ZBTB46: variants seen among roughly 807,000 people sequenced by gnomAD.
ZBTB46 encodes zinc finger and BTB domain-containing protein 46.
In ZBTB46, 8 loss-of-function variants were observed where a neutral mutation model predicts 44.1. The observed-to-expected ratio is 0.18, with a 90% CI of 0.11 to 0.33. ZBTB46 has a LOEUF of 0.33. ZBTB46 is among the 10% of genes least tolerant of loss of function. The pLI is 1.00. For synonymous variants in ZBTB46, 409 were observed against 382.3 expected, an observed-to-expected ratio of 1.07 and a Z score of -0.81; for missense variants, 651 against 847.7, an observed-to-expected ratio of 0.77 and a Z score of 2.88.
chr20:63,800,598 C>T (rs2092636185), intron 1 of ZBTB46, among the ~76,000 whole-genome samples: 2 of 152,232 alleles, frequency 1.3e-5, no homozygotes, highest in African/African-American at 2.4e-5. Context: ...CTGCGTGCGG[C>T]GCTTGCGGGC....
chr20:63,791,132 G>A (rs750485889), intron 1 of ZBTB46, among the ~76,000 whole-genome samples: 82 of 152,164 alleles, frequency 5.4e-4, no homozygotes, highest in Admixed American at 2.0e-4. Flanking sequence ...TACCCAAACT[G>A]AGAACTCGGT....
chr20:63,827,325 T>C (rs539220903), intron 1 of ZBTB46, among the ~76,000 whole-genome samples: 1 of 152,150 alleles, frequency 6.6e-6, no homozygotes, highest in African/African-American at 2.4e-5. Flanking sequence ...ACACAAAAGA[T>C]GGCCGGGCGC....
rs552858452 is a variant in ZBTB46 at position 63,769,127 on chromosome 20, G to A, written c.1222+6551C>T. 4 of 925,852 alleles carry A rather than the reference G, an allele frequency of 4.3e-6. No homozygotes were observed. In the East Asian group the frequency reaches 3.5e-4, roughly 82 times the overall value. The allele number at this position is 925,852 out of a possible 1,614,324, so 57.4% of individuals were successfully genotyped here. ...CATGGAGAGCAGGTGCCACCAAAGT[G>A]CCTCCTCGGAGGTGCCCGGGCTCAT... On this transcript the variant is annotated intron_variant, in intron 3 of 4. Coordinates refer to ENST00000245663, the MANE Select transcript of ZBTB46 (RefSeq NM_001369741.1).
chr20:63,794,102 C>T (rs931396585), intron 1 of ZBTB46, among the ~76,000 whole-genome samples: 5 of 151,042 alleles, frequency 3.3e-5, no homozygotes, highest in Non-Finnish European at 5.9e-5. Context: ...AGGAGAATAG[C>T]GTGAACCCGG....
chr20:63,788,788 G>A (rs1050730288), intron 2 of ZBTB46, among the ~76,000 whole-genome samples: 4 of 151,334 alleles, frequency 2.6e-5, no homozygotes, highest in Non-Finnish European at 5.9e-5. Flanking sequence ...GCAGTGAGCC[G>A]AGATCACGTC....
rs770835199 is a variant in ZBTB46, at chr20:63,790,747, C to T, written c.11G>A (p.Arg4Gln). 10 of 1,601,854 alleles carry T rather than the reference C, an allele frequency of 6.2e-6. No homozygotes were observed. The African/African-American group carries it at 8.0e-5, about 13-fold the overall frequency. ...GGACGTGATTTCCATATCTTCCTTT[C>T]GGTTGTTCATTTGGAAGCCCTGGTG... MNN[R>Q]KEDMEITSHY... Residue 4 changes from arginine (R) to glutamine (Q), a missense_variant, in exon 2 of 5, where the codon CGA (arginine) becomes CAA (glutamine). Around this residue, in one of 5 missense-constraint regions of ZBTB46, gnomAD observed 65 missense variants for 167.9 expected, o/e 0.39. Transcript: ENST00000245663.
chr20:63,769,856 A>AC (rs2092352143), intron 3 of ZBTB46, among the ~76,000 whole-genome samples: 1 of 152,094 alleles, frequency 6.6e-6, no homozygotes, highest in Non-Finnish European at 1.5e-5. Context: ...TTAAACCACA[A>AC]CCAAAACAAA....
chr20:63,832,385 C>CGGCCA (rs544064189), upstream of ZBTB46, among the ~76,000 whole-genome samples: 2,030 of 152,222 alleles, frequency 0.013, 44 homozygotes, highest in South Asian at 0.088. This position sits in a 1 kb window ranked among gnomAD's most constrained non-coding sequence, Gnocchi z 5.0. Flanking sequence ...GAGCCCGGCC[C>CGGCCA]GGCCAACCAA....
At chr20:63,778,423 C>T (rs962683824) in intron 2 of ZBTB46, among the ~76,000 whole-genome samples, 3 of 152,160 alleles carry the variant, frequency 2.0e-5, no homozygotes, top group Admixed American at 1.3e-4. Flanking sequence ...CCACCGTGGT[C>T]GTTGACAGGA....
chr20:63,787,072 G>A lies in ZBTB46; in HGVS notation c.937+2749C>T, dbSNP rs566356384. Among the ~76,000 whole-genome samples the A allele has an allele frequency of 6.6e-6, 1 of 152,286 alleles. No individual in the cohort carries two copies. The highest frequency in any genetic ancestry group is 1.9e-4 in the East Asian group (1 of 5,188). ...AGTAGAACAGCATTTACCCGCAGGT[G>A]GGGTAGAGGCAAGAGGAAGGTACTG... On this transcript the variant is annotated intron_variant, in intron 2 of 4. Coordinates refer to ENST00000245663, the MANE Select transcript of ZBTB46 (RefSeq NM_001369741.1). This position sits in a 1 kb window ranked among gnomAD's most constrained non-coding sequence, Gnocchi z 4.6.
intron 2 of ZBTB46, among the ~76,000 whole-genome samples, chr20:63,789,385 G>A (rs2092541042): frequency 1.3e-5 from 2 of 152,220 alleles, no homozygotes; most frequent in African/African-American, 4.8e-5. Context: ...TGGAGCTGAA[G>A]GCCACCCTGG....
At chr20:63,768,165 A>C (rs2092336427) in intron 3 of ZBTB46, 1 of 979,852 alleles carries the variant, frequency 1.0e-6, no homozygotes, top group Admixed American at 6.2e-5. Flanking sequence ...GACACTCAAA[A>C]ATATATGCAT....
At chr20:63,753,070 G>C (rs928211508) in intron 3 of ZBTB46, among the ~76,000 whole-genome samples, 1 of 152,216 alleles carries the variant, frequency 6.6e-6, no homozygotes, top group Non-Finnish European at 1.5e-5. Context: ...GGCGGTGCCA[G>C]CAAGGCTGAG....
At chr20:63,751,960 C>T (rs995295469) in intron 4 of ZBTB46, among the ~76,000 whole-genome samples, 1 of 152,150 alleles carries the variant, frequency 6.6e-6, no homozygotes, top group Non-Finnish European at 1.5e-5. Context: ...GAGCCTCTTC[C>T]GCCCCGACAG....
At chr20:63,774,389 A>G (rs2092402857) in intron 3 of ZBTB46, among the ~76,000 whole-genome samples, 1 of 152,232 alleles carries the variant, frequency 6.6e-6, no homozygotes, top group Non-Finnish European at 1.5e-5. Flanking sequence ...AGAGAAACAG[A>G]TATACTTCCC....
intron 3 of ZBTB46, among the ~76,000 whole-genome samples, chr20:63,770,111 A>G (rs566106321): frequency 3.0e-4 from 45 of 152,356 alleles, no homozygotes; most frequent in Non-Finnish European, 4.3e-4. Flanking sequence ...GCCGCGTCCC[A>G]CATTTCCGGG....
intron 1 of ZBTB46, 117 bp downstream of exon 1, chr20:63,830,980 G>A (rs1223684904): frequency 7.0e-6 from 1 of 142,110 alleles, no homozygotes; most frequent in African/African-American, 2.5e-5. Flanking sequence ...GGGGCGGCCG[G>A]CGGCGGGGGC....
rs142017999 is a variant in ZBTB46, at chr20:63,744,764, G to C, written c.*2166C>G. 3 of 152,488 alleles carry C rather than the reference G, an allele frequency of 2.0e-5. No homozygotes were observed. The highest frequency in any genetic ancestry group is 7.2e-5 in the African/African-American group (3 of 41,570). The allele number at this position is 152,488 out of a possible 1,614,324, so 9.4% of individuals were successfully genotyped here. ...CACTGTTGGTTTTAGGGAAGAAAAT[G>C]CCCCTGTAGCTCCGGCGGGGAACCC... On this transcript the variant is annotated 3_prime_UTR_variant, in exon 5 of 5. Coordinates refer to ENST00000245663, the MANE Select transcript of ZBTB46 (RefSeq NM_001369741.1).
chr20:63,759,245 T>C (rs2092252796), intron 3 of ZBTB46, among the ~76,000 whole-genome samples: 1 of 150,600 alleles, frequency 6.6e-6, no homozygotes, highest in African/African-American at 2.5e-5. Context: ...TTTTGTATAT[T>C]GAGTTTCGTA....
Sources: gnomAD v4.1 joint callset for allele counts (sites outside exome capture counted in the v4.1 genomes callset) on GRCh38, gnomAD v4.1.1 for gene constraint, gnomAD v4.1.1 regional missense constraint, Gnocchi (gnomAD v3.1) non-coding constraint, MANE v1.5 for transcripts, NCBI Gene and HGNC (gene_info 2026-07-23, HGNC 2026-07-21) for gene names.